Variants in TAB2 observed in about 807,000 individuals in gnomAD.
The protein encoded by TAB2 is TGF-beta-activated kinase 1 and MAP3K7-binding protein 2.
A neutral mutation model predicts 65.0 loss-of-function variants in TAB2; 3 were observed. That is an observed-to-expected ratio of 0.05 (90% CI 0.02 to 0.12). The LOEUF (loss-of-function observed/expected upper bound fraction) is 0.12. Among genes scored for constraint, TAB2 ranks in the 10% least tolerant of loss-of-function variants. TAB2 has a pLI of 1.00. For synonymous variants in TAB2, 298 were observed against 285.1 expected, an observed-to-expected ratio of 1.05 and a Z score of -0.46; for missense variants, 623 against 840.3, an observed-to-expected ratio of 0.74 and a Z score of 3.20.
chr6:149,275,847 C>G (rs1036182221), intron 1 of TAB2, among the ~76,000 whole-genome samples: 1 of 152,152 alleles, frequency 6.6e-6, no homozygotes, highest in Non-Finnish European at 1.5e-5. Flanking sequence ...AACAGTGGGA[C>G]GTTTCCAAAA....
intron 2 of TAB2, 147 bp from the exon 3 acceptor site, chr6:149,377,871 G>A: frequency 3.0e-6 from 2 of 673,450 alleles, no homozygotes; most frequent in East Asian, 2.8e-5. Context: ...TCAATCATTT[G>A]CATAAAAAAA....
At chr6:149,304,062 G>A (rs1362591897) in intron 1 of TAB2, 1 of 152,228 alleles carries the variant, frequency 6.6e-6, no homozygotes, top group Admixed American at 6.5e-5. Flanking sequence ...TCTGCAGTTT[G>A]GATCACAGCT....
intron 1 of TAB2, among the ~76,000 whole-genome samples, chr6:149,278,670 C>T (rs529772238): frequency 6.6e-6 from 1 of 151,968 alleles, no homozygotes; most frequent in South Asian, 2.1e-4. Context: ...GAAATAACAA[C>T]GCATATCATT....
intron 3 of TAB2, among the ~76,000 whole-genome samples, chr6:149,396,417 A>G (rs1385258829): frequency 2.0e-5 from 3 of 152,332 alleles, no homozygotes; most frequent in East Asian, 1.9e-4. Context: ...TCTTACATCT[A>G]TCTGACAGGT....
intron 3 of TAB2, among the ~76,000 whole-genome samples, chr6:149,382,511 G>A (rs12196334): frequency 2.0e-5 from 3 of 151,942 alleles, no homozygotes; most frequent in South Asian, 2.1e-4. Context: ...CAGGAGAATC[G>A]CTTGAGCCCG....
intron 1 of TAB2, among the ~76,000 whole-genome samples, chr6:149,351,729 C>T (rs1449532538): frequency 2.6e-5 from 4 of 152,132 alleles, no homozygotes; most frequent in African/African-American, 4.8e-5. Flanking sequence ...ACTTCATAAA[C>T]GAACCCATGG....
At chr6:149,360,183 G>A (rs1352086629) in intron 1 of TAB2, among the ~76,000 whole-genome samples, 1 of 152,058 alleles carries the variant, frequency 6.6e-6, no homozygotes. Context: ...GAAAATGATA[G>A]CCTTTTTTTT....
At chr6:149,310,123 A>G (rs1330598573) in intron 1 of TAB2, among the ~76,000 whole-genome samples, 1 of 152,092 alleles carries the variant, frequency 6.6e-6, no homozygotes, top group Non-Finnish European at 1.5e-5. Flanking sequence ...GCTTGAGCCC[A>G]GGAGTTTGAG....
intron 1 of TAB2, among the ~76,000 whole-genome samples, chr6:149,295,088 T>C (rs936449825): frequency 1.3e-5 from 2 of 152,228 alleles, no homozygotes; most frequent in East Asian, 1.9e-4. Context: ...CGCAGTTGAA[T>C]AGAGTTTTCA....
chr6:149,326,570 C>T (rs957439957), intron 1 of TAB2, among the ~76,000 whole-genome samples: 4 of 149,530 alleles, frequency 2.7e-5, no homozygotes, highest in Non-Finnish European at 4.4e-5. Flanking sequence ...TTTTTTGAGA[C>T]GGGGTCTTGC....
At chr6:149,339,585 T>TTTTATTTA (rs869044349) in intron 1 of TAB2, among the ~76,000 whole-genome samples, 3 of 24,208 alleles carry the variant, frequency 1.2e-4, no homozygotes, top group African/African-American at 2.9e-4. Flanking sequence ...AATTAATCTT[T>TTTTATTTA]TTTATTTATT....
At position 149,378,345 on chromosome 6, in the gene TAB2, A is replaced by G. The variant is rs1333069566; in HGVS notation, c.430A>G (p.Ser144Gly). ...AGGCTTTAATGTTTTTGGAATGTCC[A>G]GTTCCTCTGGTGCTTCAAATTCAGC... ...PQGFNVFGMS[S>G]SSGASNSAPH... is the part of the protein sequence containing the mutation. The change falls in exon 3 of 7, where the codon AGT (serine) becomes GGT (glycine). Residue 144 changes from serine to glycine, a missense_variant. Coordinates refer to ENST00000637181, the MANE Select transcript of TAB2 (RefSeq NM_001292034.3). 3 of 1,614,126 alleles carry G rather than the reference A, an allele frequency of 1.9e-6. No individual in the cohort carries two copies. The highest frequency in any genetic ancestry group is 1.6e-4 in the Middle Eastern group (1 of 6,084).
intron 1 of TAB2, among the ~76,000 whole-genome samples, chr6:149,273,538 G>A (rs2097405405): frequency 6.6e-6 from 1 of 152,222 alleles, no homozygotes; most frequent in South Asian, 2.1e-4. Flanking sequence ...CTGGACCAGA[G>A]TGGGCCAGAG....
chr6:149,385,988 T>G (rs1213410689), intron 3 of TAB2, among the ~76,000 whole-genome samples: 2 of 152,206 alleles, frequency 1.3e-5, no homozygotes, highest in Non-Finnish European at 2.9e-5. Context: ...TAGCAGTTAC[T>G]TATCCCCTTC....
rs1283422063 is a variant in TAB2 at position 149,237,276 on chromosome 6, C to T, written c.-121+18500C>T. On this transcript the variant is annotated intron_variant, in intron 1 of 1. Coordinates refer to the TAB2 transcript ENST00000606202. Reference sequence around the variant, plus strand: ...CATTTTTTTCTTCCTCTATTTTACTCATCCCTACTTGCTAATGTACAATCC... The same window carrying T: ...CATTTTTTTCTTCCTCTATTTTACTTATCCCTACTTGCTAATGTACAATCC... Among the ~76,000 whole-genome samples the T allele has an allele frequency of 2.0e-5, 3 of 152,160 alleles. No homozygotes were observed. In the East Asian group the frequency reaches 5.8e-4, roughly 29 times the overall value.
At chr6:149,248,673 G>GA (rs1467984842) in intron 1 of TAB2, among the ~76,000 whole-genome samples, 19 of 152,110 alleles carry the variant, frequency 1.2e-4, no homozygotes, top group African/African-American at 4.3e-4. Flanking sequence ...TTCTTCCTGT[G>GA]CCCTCTGGAA....
intron 1 of TAB2, among the ~76,000 whole-genome samples, chr6:149,236,679 G>A (rs949166476): frequency 3.3e-5 from 5 of 152,160 alleles, no homozygotes; most frequent in African/African-American, 1.2e-4. Flanking sequence ...GTTAAAAAAT[G>A]GAAAGGAACT....
chr6:149,336,142 G>C (rs562590191), intron 1 of TAB2, among the ~76,000 whole-genome samples: 2 of 152,318 alleles, frequency 1.3e-5, no homozygotes, highest in Admixed American at 6.5e-5. Context: ...TTCTAGAACA[G>C]TGCCTGGCAC....
chr6:149,333,961 A>G (rs1195051587), intron 1 of TAB2, among the ~76,000 whole-genome samples: 1 of 152,204 alleles, frequency 6.6e-6, no homozygotes, highest in East Asian at 1.9e-4. Flanking sequence ...TGAGTCTCGT[A>G]TAGAGGTGCC....
Sources: allele counts gnomAD v4.1 joint callset (sites outside exome capture counted in the v4.1 genomes callset), GRCh38; gene constraint gnomAD v4.1.1; transcripts MANE v1.5; gene names NCBI Gene and HGNC (gene_info 2026-07-23, HGNC 2026-07-21).